Variants in ZCCHC7 observed in about 807,000 individuals in gnomAD.
ZCCHC7 encodes the protein zinc finger CCHC domain-containing protein 7.
In ZCCHC7, 35 loss-of-function variants were observed where a neutral mutation model predicts 52.0. The ratio of observed to expected loss-of-function variants is 0.67; its 90% CI spans 0.51 to 0.89. The LOEUF is 0.89. Among genes scored for constraint, ZCCHC7 ranks in the 40% least tolerant of loss-of-function variants. The pLI is 0.00. For synonymous variants in ZCCHC7, 217 were observed against 221.5 expected (o/e 0.98, Z 0.18); for missense variants, 574 against 649.1 (o/e 0.88, Z 1.26).
At chr9:37,155,436 T>A (rs1251451414) in intron 2 of ZCCHC7, among the ~76,000 whole-genome samples, 1 of 152,178 alleles carries the variant, frequency 6.6e-6, no homozygotes, top group East Asian at 1.9e-4. Flanking sequence ...ATATTATTAA[T>A]ATGTAGTAGT....
chr9:37,288,306 ATC>A (rs1828357769), intron 2 of ZCCHC7, among the ~76,000 whole-genome samples: 2 of 149,258 alleles, frequency 1.3e-5, no homozygotes, highest in African/African-American at 4.9e-5. Context: ...CTATCTATCT[ATC>A]TATATAGATA....
At chr9:37,315,387 T>C (rs1286805135) in intron 5 of ZCCHC7, among the ~76,000 whole-genome samples, 1 of 152,032 alleles carries the variant, frequency 6.6e-6, no homozygotes, top group Non-Finnish European at 1.5e-5. Context: ...ATAGTAAGCG[T>C]GATCTTCGTT....
intron 2 of ZCCHC7, among the ~76,000 whole-genome samples, chr9:37,201,380 T>C (rs1823622946): frequency 1.3e-5 from 2 of 152,226 alleles, no homozygotes; most frequent in Admixed American, 6.5e-5. Context: ...TCCTTTATTG[T>C]CAGCATATTA....
intron 2 of ZCCHC7, among the ~76,000 whole-genome samples, chr9:37,282,466 G>A (rs1221921661): frequency 1.3e-5 from 2 of 151,844 alleles, no homozygotes; most frequent in Admixed American, 6.6e-5. Flanking sequence ...TTAGCCAGGC[G>A]TGGTGGTGGG....
intron 5 of ZCCHC7, among the ~76,000 whole-genome samples, chr9:37,307,768 A>G (rs1484437404): frequency 1.3e-5 from 2 of 152,290 alleles, no homozygotes; most frequent in East Asian, 1.9e-4. Context: ...ATATATATGT[A>G]TTTCTCATGT....
At chr9:37,345,889 G>A (rs1177005373) in intron 6 of ZCCHC7, among the ~76,000 whole-genome samples, 1 of 152,172 alleles carries the variant, frequency 6.6e-6, no homozygotes, top group Admixed American at 6.5e-5. Flanking sequence ...AGATTATTGA[G>A]GTTATTGTTT....
chr9:37,204,270 G>A (rs568728077), intron 2 of ZCCHC7, among the ~76,000 whole-genome samples: 121 of 152,292 alleles, frequency 7.9e-4, no homozygotes, highest in Non-Finnish European at 9.7e-4. Context: ...TGTTCACTCT[G>A]ATGATAGTTT....
intron 6 of ZCCHC7, among the ~76,000 whole-genome samples, chr9:37,331,820 C>T (rs983588622): frequency 2.6e-5 from 4 of 151,336 alleles, no homozygotes; most frequent in Admixed American, 2.0e-4. Flanking sequence ...CATAATAACC[C>T]CATCCACACA....
chr9:37,209,631 C>G (rs148764757), intron 2 of ZCCHC7, among the ~76,000 whole-genome samples: 30 of 152,144 alleles, frequency 2.0e-4, no homozygotes, highest in East Asian at 1.9e-4. Context: ...AAAGAAGAAC[C>G]CTTTTTGTTT....
chr9:37,313,724 C>A (rs77871451), intron 5 of ZCCHC7, among the ~76,000 whole-genome samples: 2,448 of 152,272 alleles, frequency 0.016, 80 homozygotes, highest in African/African-American at 0.055. Flanking sequence ...CACCCTGCCC[C>A]TCATTTGCTC....
chr9:37,153,489 T>C (rs1820646551), intron 2 of ZCCHC7, among the ~76,000 whole-genome samples: 1 of 151,914 alleles, frequency 6.6e-6, no homozygotes, highest in African/African-American at 2.4e-5. Context: ...TTATTTGTGG[T>C]TATTTTTTAG....
rs57547206 is a variant in ZCCHC7 at position 37,308,824 on chromosome 9, T to TA, written c.951+3111dup. 6.4e-3 allele frequency among the ~76,000 whole-genome samples: 979 copies of TA among 151,910 alleles called. 5 individuals carry two copies. The highest frequency in any genetic ancestry group is 0.022 in the African/African-American group (916 of 41,398). ...TGTGAAACCCAGTCTTTACTAAAAA[T>TA]ACAAAAATTAGCTGGGCGTGGTGGT... On this transcript the variant is annotated intron_variant, in intron 5 of 8. Transcript: ENST00000336755.
intron 5 of ZCCHC7, among the ~76,000 whole-genome samples, chr9:37,309,662 C>G (rs986704310): frequency 6.6e-6 from 1 of 152,158 alleles, no homozygotes; most frequent in Non-Finnish European, 1.5e-5. Flanking sequence ...GTGGCTCATG[C>G]CTGTTACCCA....
chr9:37,121,289 A>G (rs1842304888), intron 1 of ZCCHC7, among the ~76,000 whole-genome samples: 1 of 152,182 alleles, frequency 6.6e-6, no homozygotes, highest in Non-Finnish European at 1.5e-5. Context: ...GATTCCAGAA[A>G]GCTCTTATTG....
intron 2 of ZCCHC7, among the ~76,000 whole-genome samples, chr9:37,226,924 T>G (rs185789760): frequency 3.3e-4 from 49 of 149,812 alleles, no homozygotes; most frequent in Admixed American, 2.8e-3. Context: ...CAGCTACTCA[T>G]GAGGCTGAGG....
intron 6 of ZCCHC7, among the ~76,000 whole-genome samples, chr9:37,334,435 G>A (rs1005514791): frequency 6.6e-6 from 1 of 151,870 alleles, no homozygotes; most frequent in Non-Finnish European, 1.5e-5. Flanking sequence ...TGGATCGATC[G>A]TTTGAATAAT....
chr9:37,305,843 A>G, intron 5 of ZCCHC7, 129 bp downstream of exon 5: 4 of 856,694 alleles, frequency 4.7e-6, no homozygotes, highest in South Asian at 4.0e-5. Context: ...ATATATATAT[A>G]TATATATAGT....
intron 6 of ZCCHC7, among the ~76,000 whole-genome samples, chr9:37,328,171 T>C (rs375828642): frequency 2.0e-4 from 31 of 152,164 alleles, no homozygotes; most frequent in African/African-American, 7.2e-4. Context: ...TAAAATGTTG[T>C]ATTATCCACA....
rs758194692 is a variant in ZCCHC7, at chr9:37,302,235, A to G, written c.654+4A>G. 6.2e-7 allele frequency: 1 copy of G among 1,601,150 alleles called. No homozygotes were observed. Among genetic ancestry groups the G allele is most frequent in the Non-Finnish European group, 8.5e-7 (1 of 1,170,824 alleles). On this transcript the variant is annotated splice_donor_region_variant and intron_variant, in intron 3 of 8. Coordinates refer to ENST00000336755, the MANE Select transcript of ZCCHC7 (RefSeq NM_032226.3). ...CATCAGTGACAAAGACATTGAGGTA[A>G]AATCAAATTGTTTTTAAAATTCAGA...
Sources: allele counts gnomAD v4.1 joint callset (sites outside exome capture counted in the v4.1 genomes callset), GRCh38; gene constraint gnomAD v4.1.1; transcripts MANE v1.5; gene names NCBI Gene and HGNC (gene_info 2026-07-23, HGNC 2026-07-21).